CRELD2: variants seen among roughly 807,000 people sequenced by gnomAD.
The protein encoded by CRELD2 is CRELD disulfide isomerase 2.
A neutral mutation model predicts 48.1 loss-of-function variants in CRELD2; 33 were observed. The observed-to-expected ratio is 0.69, with a 90% CI of 0.52 to 0.92. CRELD2 has a LOEUF of 0.92. Ranked by LOEUF, CRELD2 falls within the 40% of genes least tolerant of loss-of-function variation. CRELD2 has a pLI of 0.00. For synonymous variants in CRELD2, 220 were observed against 203.9 expected (o/e 1.08, Z -0.67); for missense variants, 477 against 482.4 (o/e 0.99, Z 0.10).
At chr22:49,924,202 TTTTGCCGGGAGACAGAGACAGATC>T in intron 7 of CRELD2, 134 bp from the exon 8 acceptor site, 2 of 573,782 alleles carry the variant, frequency 3.5e-6, no homozygotes, top group African/African-American at 3.7e-5. Flanking sequence ...GAGTCTGTGC[TTTTGCCGGGAGACAGAGACAGATC>T]GTTATAAAGT....
intron 1 of CRELD2, 90 bp downstream of exon 1, chr22:49,918,988 GCCCTCACCCTGGATCCGGGGTCC>G (rs1235498540): frequency 2.0e-5 from 22 of 1,117,934 alleles, no homozygotes; most frequent in Admixed American, 3.3e-5. Flanking sequence ...GCCCAGGGTC[GCCCTCACCCTGGATCCGGGGTCC>G]CCCTCACCCT....
chr22:49,927,333 T>C lies in CRELD2; in HGVS notation c.*26T>C, dbSNP rs376500619. ...TGTGCCGGACTTACCCTTTAAATTA[T>C]TCAGAAGGATGTCCCGTGGAAAATG... On this transcript the variant is annotated 3_prime_UTR_variant, in exon 10 of 10. Transcript: ENST00000328268. 1 of 1,599,554 alleles carries C rather than the reference T, an allele frequency of 6.3e-7. No homozygotes were observed. The highest frequency in any genetic ancestry group is 8.6e-7 in the Non-Finnish European group (1 of 1,168,152).
intron 9 of CRELD2, 30 bp from the exon 10 acceptor site, chr22:49,927,225 C>T: frequency 6.2e-7 from 1 of 1,608,304 alleles, no homozygotes; most frequent in South Asian, 1.1e-5. Context: ...TTGTGCTCAG[C>T]CTTGACGACC....
chr22:49,918,831 C>T lies in CRELD2; in HGVS notation c.62C>T (p.Ala21Val), dbSNP rs2060642233. 1.5e-6 allele frequency: 2 copies of T among 1,324,534 alleles called. No homozygotes were observed. Among genetic ancestry groups the T allele is most frequent in the Non-Finnish European group, 1.9e-6 (2 of 1,041,238 alleles). 82.0% of individuals were successfully genotyped at this position (1,324,534 alleles called of 1,614,324 possible). A position where few individuals can be genotyped will look rare whatever the true frequency, so the allele number is the denominator to read the frequency against. The change falls in exon 1 of 10, where the codon GCG becomes GTG. Residue 21 changes from alanine (A) to valine (V), a missense_variant. Ala to Val is a moderately conservative substitution (Grantham distance 64). Coordinates refer to ENST00000328268, the MANE Select transcript of CRELD2 (RefSeq NM_024324.5). ...LLPLLLLLPPAPEAAKKPTPC... is the reference protein window; with the variant it reads ...LLPLLLLLPPVPEAAKKPTPC... ...CCGCTTCTGCTGCTGCTGCCGCCCG[C>T]GCCGGAGGCCGCCAAGAAGCCGACG... is the stretch of plus-strand genomic sequence containing the variant.
intron 4 of CRELD2, 120 bp downstream of exon 4, chr22:49,920,367 G>C: frequency 3.0e-6 from 2 of 671,014 alleles, no homozygotes; most frequent in Admixed American, 2.8e-5. Flanking sequence ...TAGGGTCTGG[G>C]ACCCTGCCGG....
rs1000939120 is a variant in CRELD2 at position 49,918,856 on chromosome 22, G to A, written c.87G>A (p.Thr29=). ...CGCCGGAGGCCGCCAAGAAGCCGAC[G>A]CCCTGCCACCGGTGCCGGGGGCTGG... The part of the protein sequence containing the change: ...PPAPEAAKKP[T]PCHRCRGLVD... Residue 29 remains threonine, a synonymous_variant, in exon 1 of 10, where the codon ACG becomes ACA. Transcript: ENST00000328268. 2 of 1,314,406 alleles carry A rather than the reference G, an allele frequency of 1.5e-6. No homozygotes were observed. Among genetic ancestry groups the A allele is most frequent in the Non-Finnish European group, 1.9e-6 (2 of 1,034,916 alleles). The allele number at this position is 1,314,406 out of a possible 1,614,324, so 81.4% of individuals were successfully genotyped here.
chr22:49,922,870 G>GA (rs1416363919), intron 6 of CRELD2, among the ~76,000 whole-genome samples, 163 bp downstream of exon 6: 3 of 103,646 alleles, frequency 2.9e-5, no homozygotes, highest in African/African-American at 1.4e-4. Flanking sequence ...CTTGGGGTGT[G>GA]GGGGGCGTGA....
At chr22:49,925,604 G>T (rs367840963) in intron 9 of CRELD2, 47 bp downstream of exon 9, 2 of 1,607,260 alleles carry the variant, frequency 1.2e-6, no homozygotes, top group Middle Eastern at 1.7e-4. Context: ...CCCCTGGGCC[G>T]CAGGGCTTGC....
Position 49,924,403 on chromosome 22 carries a change from A to G in CRELD2, c.816A>G (p.Gly272=). The change falls in exon 8 of 10, where the codon GGA becomes GGG. Residue 272 remains glycine, a synonymous_variant. Transcript: ENST00000328268. The part of the protein sequence containing the change: ...SCVGCTGEGP[G]NCKECISGYA... ...TGGGCTGCACAGGGGAAGGCCCAGG[A>G]AACTGTAAAGAGTGTATCTCTGGCT... 4.3e-6 allele frequency: 7 copies of G among 1,612,750 alleles called. No homozygotes were observed. Among genetic ancestry groups the G allele is most frequent in the Non-Finnish European group, 5.9e-6 (7 of 1,179,578 alleles).
In CRELD2 at chr22:49,927,178, G is replaced by A. The variant is rs1008982979; in HGVS notation, c.1010-77G>A. The A allele has an allele frequency of 1.6e-4, 209 of 1,309,604 alleles. No homozygotes were observed. In the East Asian group the frequency reaches 4.3e-3, roughly 27 times the overall value. 81.1% of individuals were successfully genotyped at this position (1,309,604 alleles called of 1,614,324 possible). A position where few individuals can be genotyped will look rare whatever the true frequency, so the allele number is the denominator to read the frequency against. On this transcript the variant is annotated intron_variant, in intron 9 of 9. Coordinates refer to ENST00000328268, the MANE Select transcript of CRELD2 (RefSeq NM_024324.5). Reference sequence around the variant, plus strand: ...CTGGACGGGCAGGCCCTGCACATGCGCTGCTGTCCTGGGAAAGGCCTCATC... The same window carrying A: ...CTGGACGGGCAGGCCCTGCACATGCACTGCTGTCCTGGGAAAGGCCTCATC...
chr22:49,919,003 C>CCGGGGTCCCCCTCACCCTGGATT (rs2060645755), intron 1 of CRELD2, 105 bp downstream of exon 1: 22 of 1,012,270 alleles, frequency 2.2e-5, no homozygotes, highest in Non-Finnish European at 2.9e-5. Flanking sequence ...CACCCTGGAT[C>CCGGGGTCCCCCTCACCCTGGATT]CGGGGTCCCC....
chr22:49,925,565 GC>G lies in CRELD2; in HGVS notation c.1009+9del. On this transcript the variant is annotated intron_variant, in intron 9 of 9. Transcript: ENST00000328268. ...TGCCGCCGGCAGAGGCTGGTGAGTG[GC>G]ACGGCTGCCCTCCACACAGGCTGCC... The G allele has an allele frequency of 1.9e-6, 3 of 1,612,972 alleles. No individual in the cohort carries two copies. Among genetic ancestry groups the G allele is most frequent in the Non-Finnish European group, 2.5e-6 (3 of 1,179,982 alleles).
intron 3 of CRELD2, 127 bp from the exon 4 acceptor site, chr22:49,920,029 T>C: frequency 2.6e-6 from 2 of 765,594 alleles, no homozygotes; most frequent in Non-Finnish European, 4.4e-6. Context: ...GAGAAGATTC[T>C]GTCCACACCT....
At chr22:49,922,925 G>GGA in intron 6 of CRELD2, among the ~76,000 whole-genome samples, 1 of 78,582 alleles carries the variant, frequency 1.3e-5, no homozygotes, top group East Asian at 3.0e-4. Flanking sequence ...GGGGGCGTGA[G>GGA]GTGGGGGCGT....
intron 8 of CRELD2, chr22:49,925,130 C>CAAA (rs375087898): frequency 3.8e-4 from 56 of 146,506 alleles, no homozygotes; most frequent in South Asian, 5.4e-4. Context: ...GACTCCGCCT[C>CAAA]AAAAAAAAAA....
In CRELD2 at chr22:49,925,532, T is replaced by C. The variant is rs2060752416; in HGVS notation, c.984T>C (p.Asp328=). The C allele has an allele frequency of 6.2e-7, 1 of 1,613,866 alleles. No homozygotes were observed. ...CTGACGGCTTCGAAGAAACGGAAGATGCCTGTGTGCCGCCGGCAGAGGCTG... is the reference window on the plus strand; with the variant it reads ...CTGACGGCTTCGAAGAAACGGAAGACGCCTGTGTGCCGCCGGCAGAGGCTG... ...VCPDGFEETE[D]ACVPPAEAEA... The change falls in exon 9 of 10, where the codon GAT becomes GAC. Residue 328 remains aspartate, a synonymous_variant. Transcript: ENST00000328268.
chr22:49,920,343 G>A (rs750384136), intron 4 of CRELD2, 96 bp downstream of exon 4: 151 of 844,616 alleles, frequency 1.8e-4, no homozygotes, highest in Middle Eastern at 1.3e-3. Flanking sequence ...GACCTGGGGT[G>A]CATCAGCTTT....
intron 2 of CRELD2, 79 bp from the exon 3 acceptor site, chr22:49,919,646 GCACCC>G: frequency 9.8e-7 from 1 of 1,020,864 alleles, no homozygotes; most frequent in Non-Finnish European, 1.4e-6. Flanking sequence ...CCCGGCCCCT[GCACCC>G]AGGTTGGCGT....
chr22:49,918,675 G>A lies in CRELD2; in HGVS notation c.-95G>A, dbSNP rs964144857. Reference sequence around the variant, plus strand: ...CGTCAAGTAGCCTGGGGGACAGGCCGGCGCGGCTGGGAGCGGGTGGGCGGC... The same window carrying A: ...CGTCAAGTAGCCTGGGGGACAGGCCAGCGCGGCTGGGAGCGGGTGGGCGGC... On this transcript the variant is annotated 5_prime_UTR_variant, in exon 1 of 10. Transcript: ENST00000328268. The A allele has an allele frequency of 2.9e-5, 12 of 415,598 alleles. No individual in the cohort carries two copies. Among genetic ancestry groups the A allele is most frequent in the African/African-American group, 2.1e-4 (10 of 48,084 alleles). The allele number at this position is 415,598 out of a possible 1,614,324, so 25.7% of individuals were successfully genotyped here.
Sources: allele counts gnomAD v4.1 joint callset (sites outside exome capture counted in the v4.1 genomes callset), GRCh38; gene constraint gnomAD v4.1.1; transcripts MANE v1.5; gene names NCBI Gene and HGNC (gene_info 2026-07-23, HGNC 2026-07-21).